The following MAN1A1 variants were observed in gnomAD, a reference collection of about 807,000 sequenced individuals.
The protein encoded by MAN1A1 is mannosidase alpha class 1A member 1.
Under a neutral mutation model 70.8 loss-of-function variants are expected in MAN1A1, and 29 were observed. That is an observed-to-expected ratio of 0.41 (90% CI 0.31 to 0.56). The LOEUF (loss-of-function observed/expected upper bound fraction) is 0.56, where lower values mean the gene tolerates loss of function less well. Ranked by LOEUF, MAN1A1 falls within the 20% of genes least tolerant of loss-of-function variation. The probability of loss-of-function intolerance (pLI) is 0.29; values close to 1 mark genes in which losing one functional copy is unlikely to be tolerated. For synonymous variants in MAN1A1, 349 were observed against 330.1 expected, an observed-to-expected ratio of 1.06 and a Z score of -0.62; for missense variants, 747 against 841.3, an observed-to-expected ratio of 0.89 and a Z score of 1.39.
Position 119,180,442 on chromosome 6 carries a change from A to AG in MAN1A1, c.1720-16dup. 1 of 1,359,092 alleles carries AG rather than the reference A, an allele frequency of 7.4e-7. No individual in the cohort carries two copies. The highest frequency in any genetic ancestry group is 1.0e-6 in the Non-Finnish European group (1 of 964,260). The allele number at this position is 1,359,092 out of a possible 1,614,324, so 84.2% of individuals were successfully genotyped here. A position where few individuals can be genotyped will look rare whatever the true frequency, so the allele number is the denominator to read the frequency against. ...TTTTCCAAGGCCTAAATTATAGAGG[A>AG]GGAAAAAAAAAAGTCACATTTCAGT... On this transcript the variant is annotated splice_polypyrimidine_tract_variant and intron_variant, in intron 11 of 12. Coordinates refer to ENST00000368468, the MANE Select transcript of MAN1A1 (RefSeq NM_005907.4).
intron 2 of MAN1A1, among the ~76,000 whole-genome samples, chr6:119,329,549 C>T (rs1257174436): frequency 6.6e-6 from 1 of 151,718 alleles, no homozygotes; most frequent in Non-Finnish European, 1.5e-5. Flanking sequence ...CACTTGGGAA[C>T]ATGTGTCTTC....
intron 2 of MAN1A1, among the ~76,000 whole-genome samples, chr6:119,331,264 T>C (rs1231292129): frequency 6.6e-6 from 1 of 152,114 alleles, no homozygotes; most frequent in Non-Finnish European, 1.5e-5. Flanking sequence ...CATAGAATTC[T>C]TTTTGGTGAT....
At position 119,255,731 on chromosome 6, in the gene MAN1A1, C is replaced by T. The variant is rs1052630690; in HGVS notation, c.898-7377G>A. 2.6e-5 allele frequency among the ~76,000 whole-genome samples: 4 copies of T among 152,186 alleles called. No homozygotes were observed. The East Asian group carries it at 5.8e-4, about 22-fold the overall frequency. ...CTACACCCAAGTGAATACCAGCTTC[C>T]TGTCATCTCAGAGACGGGTGATCCT... On this transcript the variant is annotated intron_variant, in intron 5 of 12. Coordinates refer to ENST00000368468, the MANE Select transcript of MAN1A1 (RefSeq NM_005907.4).
At position 119,248,262 on chromosome 6, in the gene MAN1A1, T is replaced by C; in HGVS notation, c.990A>G (p.Lys330=). Residue 330 remains lysine (K), a splice_region_variant and synonymous_variant, in exon 6 of 13, where the codon AAA becomes AAG. Coordinates refer to ENST00000368468, the MANE Select transcript of MAN1A1 (RefSeq NM_005907.4). ...SGIPWALLNM[K]SGIGRNWPWA... is the part of the protein sequence containing the mutation. The stretch of plus-strand genomic sequence containing the variant: ...TTGTTGAAAATGAAGAGTTTTACCT[T>C]TTCATATTCAGCAATGCCCAAGGTA... The C allele has an allele frequency of 6.2e-7, 1 of 1,601,540 alleles. No homozygotes were observed.
intron 2 of MAN1A1, among the ~76,000 whole-genome samples, chr6:119,325,831 G>T (rs1195334017): frequency 7.9e-5 from 12 of 152,162 alleles, no homozygotes. Context: ...TTCCCTACAT[G>T]TGGATACAGC....
Position 119,204,785 on chromosome 6 carries a change from A to AGTT in MAN1A1, c.1089_1090insAAC (p.Leu363_Ser364insAsn). 5.6e-6 allele frequency: 9 copies of AGTT among 1,614,020 alleles called. No individual in the cohort carries two copies. Among genetic ancestry groups the AGTT allele is most frequent in the Non-Finnish European group, 7.6e-6 (9 of 1,179,882 alleles). On this transcript the variant is annotated inframe_insertion, in exon 7 of 13. Coordinates refer to ENST00000368468, the MANE Select transcript of MAN1A1 (RefSeq NM_005907.4). ...TTTTCAGCAAAGATGGGGTTTCCTG[A>AGTT]TAAGTGGCTCAAGTGCATAAACTCC...
At chr6:119,203,422 C>G (rs952769106) in intron 7 of MAN1A1, among the ~76,000 whole-genome samples, 13 of 151,942 alleles carry the variant, frequency 8.6e-5, no homozygotes, top group Non-Finnish European at 1.5e-5. Flanking sequence ...GGTGAGGAGA[C>G]AAAGGGGAGA....
At chr6:119,181,187 GT>G (rs1773144885) in intron 11 of MAN1A1, among the ~76,000 whole-genome samples, 1 of 152,152 alleles carries the variant, frequency 6.6e-6, no homozygotes, top group Non-Finnish European at 1.5e-5. Flanking sequence ...CTAGCTGGCT[GT>G]CCCCCAAGCC....
chr6:119,309,966 G>A (rs1340982930), intron 2 of MAN1A1, among the ~76,000 whole-genome samples: 1 of 152,074 alleles, frequency 6.6e-6, no homozygotes, highest in African/African-American at 2.4e-5. Flanking sequence ...GATTCTAAAG[G>A]ACTAAAAGGG....
chr6:119,262,363 T>C (rs1554209672), intron 5 of MAN1A1, among the ~76,000 whole-genome samples: 1 of 151,436 alleles, frequency 6.6e-6, no homozygotes, highest in Non-Finnish European at 1.5e-5. Flanking sequence ...TAAAAACAAA[T>C]AAACAATTCT....
chr6:119,341,189 AT>A (rs1773586330), intron 2 of MAN1A1, among the ~76,000 whole-genome samples: 1 of 152,108 alleles, frequency 6.6e-6, no homozygotes, highest in African/African-American at 2.4e-5. Context: ...AGAAGTCTTT[AT>A]CAAAACTCAG....
chr6:119,338,274 A>T (rs1252199181), intron 2 of MAN1A1, among the ~76,000 whole-genome samples: 1 of 152,158 alleles, frequency 6.6e-6, no homozygotes, highest in South Asian at 2.1e-4. Context: ...ACATTTTGAA[A>T]TATGCAGCTC....
intron 5 of MAN1A1, among the ~76,000 whole-genome samples, chr6:119,279,029 A>G (rs1487023637): frequency 6.6e-6 from 1 of 152,218 alleles, no homozygotes; most frequent in East Asian, 1.9e-4. Context: ...ATGGACTAAC[A>G]CAGCCATGCA....
rs901778586 is a variant in MAN1A1, at chr6:119,183,936, A to G, written c.1720-3509T>C. On this transcript the variant is annotated intron_variant, in intron 11 of 12. Transcript: ENST00000368468. ...AACAAAATGAAGAAATGCTTAGACA[A>G]TAACAAGGGCTTCAGAGGTTTAGAG... 3.3e-5 allele frequency among the ~76,000 whole-genome samples: 5 copies of G among 152,150 alleles called. No homozygotes were observed. In the South Asian group the frequency reaches 6.2e-4, roughly 19 times the overall value.
intron 6 of MAN1A1, among the ~76,000 whole-genome samples, chr6:119,237,337 T>C (rs1471684046): frequency 1.3e-5 from 2 of 152,116 alleles, no homozygotes; most frequent in African/African-American, 4.8e-5. Flanking sequence ...AAGGGAAGAA[T>C]TAAAGCAGTA....
At chr6:119,341,924 C>T (rs1296975567) in intron 2 of MAN1A1, among the ~76,000 whole-genome samples, 2 of 151,448 alleles carry the variant, frequency 1.3e-5, no homozygotes, top group African/African-American at 4.9e-5. Context: ...GAAACCAGCC[C>T]GGGAAATATA....
intron 11 of MAN1A1, among the ~76,000 whole-genome samples, chr6:119,181,745 C>G (rs777128892): frequency 6.6e-6 from 1 of 151,824 alleles, no homozygotes; most frequent in East Asian, 1.9e-4. Context: ...CCAGCTTTAC[C>G]GATGTATGAC....
chr6:119,341,123 T>C (rs1252297123), intron 2 of MAN1A1, among the ~76,000 whole-genome samples: 7 of 152,248 alleles, frequency 4.6e-5, no homozygotes. Context: ...CTGTGACTTT[T>C]AAATGCTCTT....
chr6:119,295,165 T>C (rs1376870177), intron 4 of MAN1A1, among the ~76,000 whole-genome samples: 1 of 152,098 alleles, frequency 6.6e-6, no homozygotes, highest in Non-Finnish European at 1.5e-5. Flanking sequence ...TCTAACCCCA[T>C]CTAGGCAACA....
Sources: allele counts gnomAD v4.1 joint callset (sites outside exome capture counted in the v4.1 genomes callset), GRCh38; gene constraint gnomAD v4.1.1; transcripts MANE v1.5; gene names NCBI Gene and HGNC (gene_info 2026-07-23, HGNC 2026-07-21).